MTREX: variants seen among roughly 807,000 people sequenced by gnomAD.
The protein encoded by MTREX is exosome RNA helicase MTR4.
In MTREX, 76 loss-of-function variants were observed where a neutral mutation model predicts 135.4. The observed-to-expected ratio is 0.56, with a 90% confidence interval of 0.47 to 0.68. The LOEUF is 0.68. MTREX is among the 30% of genes least tolerant of loss of function. The probability of loss-of-function intolerance (pLI) is 0.00; values close to 1 mark genes in which losing one functional copy is unlikely to be tolerated. For synonymous variants in MTREX, 404 were observed against 401.6 expected, an observed-to-expected ratio of 1.01 and a Z score of -0.07; for missense variants, 920 against 1,262.1, an observed-to-expected ratio of 0.73 and a Z score of 4.11.
At chr5:55,312,746 T>TA (rs1749135355) in intron 1 of MTREX, among the ~76,000 whole-genome samples, 1 of 152,236 alleles carries the variant, frequency 6.6e-6, no homozygotes, top group African/African-American at 2.4e-5. Context: ...TTGTTTCTGT[T>TA]ACGTTTTCTG....
rs919544130 is a variant in MTREX, at chr5:55,405,322, A to G, written c.2482-103A>G. On this transcript the variant is annotated intron_variant, in intron 21 of 26. Transcript: ENST00000230640. ...AAGCTTTAACCCAGAAGTATACTGT[A>G]AGATGTTCTTTAAAAATATTTTTTG... 3.2e-5 allele frequency: 32 copies of G among 1,004,284 alleles called. No homozygotes were observed. In the African/African-American group the frequency reaches 3.7e-4, roughly 12 times the overall value. 62.2% of individuals were successfully genotyped at this position (1,004,284 alleles called of 1,614,324 possible). A position where few individuals can be genotyped will look rare whatever the true frequency, so the allele number is the denominator to read the frequency against.
chr5:55,382,525 A>G (rs2168562), intron 18 of MTREX, among the ~76,000 whole-genome samples: 19,563 of 152,150 alleles, frequency 0.13, 1,496 homozygotes, highest in East Asian at 0.26. Context: ...ACATCTATAA[A>G]TGTTACAAAT....
chr5:55,350,886 C>T (rs771243624), intron 12 of MTREX, 33 bp from the exon 13 acceptor site: 1 of 1,479,354 alleles, frequency 6.8e-7, no homozygotes, highest in Admixed American at 2.1e-5. Context: ...TTTCTCACAT[C>T]ATTATAAAAT....
rs966328764 is a variant in MTREX, at chr5:55,390,957, A to G, written c.2181+2855A>G. 9.9e-5 allele frequency among the ~76,000 whole-genome samples: 15 copies of G among 152,156 alleles called. 1 individual carries two copies. Among genetic ancestry groups the G allele is most frequent in the African/African-American group, 2.9e-4 (12 of 41,448 alleles). On this transcript the variant is annotated intron_variant, in intron 19 of 26. Coordinates refer to ENST00000230640, the MANE Select transcript of MTREX (RefSeq NM_015360.5). Reference sequence around the variant, plus strand: ...AATTGCTGATTTAAACCCTTTGTCTATTAAGTCAAATTTCTTGGCTTCCTC... The same window carrying G: ...AATTGCTGATTTAAACCCTTTGTCTGTTAAGTCAAATTTCTTGGCTTCCTC...
intron 14 of MTREX, among the ~76,000 whole-genome samples, chr5:55,358,340 T>C (rs1253086727): frequency 6.6e-6 from 1 of 152,182 alleles, no homozygotes; most frequent in Non-Finnish European, 1.5e-5. Context: ...TGATAATAAG[T>C]CTAAAATTTA....
At chr5:55,323,202 A>T (rs1290121316) in intron 2 of MTREX, among the ~76,000 whole-genome samples, 1 of 152,196 alleles carries the variant, frequency 6.6e-6, no homozygotes, top group African/African-American at 2.4e-5. Flanking sequence ...CTACTATAAT[A>T]AGTTACAAAA....
intron 5 of MTREX, among the ~76,000 whole-genome samples, chr5:55,337,444 G>A (rs899810282): frequency 1.3e-5 from 2 of 151,940 alleles, no homozygotes; most frequent in Non-Finnish European, 1.5e-5. Flanking sequence ...TGTGCCTGGC[G>A]TAGAAATTTC....
chr5:55,393,193 CA>C (rs1369108160), intron 19 of MTREX, among the ~76,000 whole-genome samples: 3 of 152,096 alleles, frequency 2.0e-5, no homozygotes, highest in Admixed American at 2.0e-4. Context: ...TTATTCTTAC[CA>C]AAAGTCAGCA....
chr5:55,424,048 C>T (rs1751103986), intron 26 of MTREX: 1 of 152,118 alleles, frequency 6.6e-6, no homozygotes, highest in Admixed American at 6.6e-5. Flanking sequence ...AAAGTGTCTT[C>T]TGATATAGGT....
chr5:55,356,392 G>A (rs960561896), intron 14 of MTREX: 4 of 186,306 alleles, frequency 2.1e-5, no homozygotes, highest in East Asian at 2.6e-4. Flanking sequence ...CCTGTCAAGT[G>A]GCTTTAACAC....
intron 1 of MTREX, among the ~76,000 whole-genome samples, chr5:55,314,728 A>G (rs868483488): frequency 6.6e-6 from 1 of 152,186 alleles, no homozygotes; most frequent in Non-Finnish European, 1.5e-5. Flanking sequence ...ACCATCGCCA[A>G]CCTTTTTAGC....
chr5:55,377,731 A>G (rs1750328034), intron 16 of MTREX, among the ~76,000 whole-genome samples: 1 of 152,076 alleles, frequency 6.6e-6, no homozygotes, highest in Non-Finnish European at 1.5e-5. Flanking sequence ...CTGGTTTATA[A>G]CTCCCATAGC....
chr5:55,414,227 C>A lies in MTREX; in HGVS notation c.2797C>A (p.Arg933Ser). Reference sequence around the variant, plus strand: ...AACAGAACAATTAGCAGGACCACTTCGTCAAATGCAGGTAAGGTTTTTTTT... The same window carrying A: ...AACAGAACAATTAGCAGGACCACTTAGTCAAATGCAGGTAAGGTTTTTTTT... The part of the protein sequence containing the change: ...KLTEQLAGPL[R>S]QMQECAKRIA... The change falls in exon 24 of 27, where the codon CGT becomes AGT. Residue 933 changes from arginine (R) to serine (S), a missense_variant. Physicochemically the swap from Arg to Ser is moderately radical, Grantham distance 110. Around this residue, in one of 6 missense-constraint regions of MTREX, gnomAD observed 467 missense variants for 589.7 expected, o/e 0.79. Transcript: ENST00000230640. The A allele has an allele frequency of 6.5e-7, 1 of 1,544,840 alleles. No individual in the cohort carries two copies. The highest frequency in any genetic ancestry group is 8.7e-7 in the Non-Finnish European group (1 of 1,149,670).
intron 15 of MTREX, among the ~76,000 whole-genome samples, chr5:55,361,758 CT>C (rs34068588): frequency 0.4 from 57,290 of 143,708 alleles, 11,820 homozygotes; most frequent in African/African-American, 0.55. Context: ...GCATCCAGCC[CT>C]TTTTTTTTTT....
intron 15 of MTREX, among the ~76,000 whole-genome samples, chr5:55,361,727 G>A (rs984530757): frequency 1.3e-5 from 2 of 151,468 alleles, no homozygotes; most frequent in African/African-American, 4.9e-5. Flanking sequence ...CAGAGTGCTG[G>A]GATTACAGGC....
chr5:55,407,822 C>T (rs890175558), intron 22 of MTREX, among the ~76,000 whole-genome samples: 7 of 151,862 alleles, frequency 4.6e-5, no homozygotes, highest in African/African-American at 1.7e-4. Flanking sequence ...GGTGCAATCT[C>T]GGCTCACCGC....
chr5:55,344,657 C>G, intron 9 of MTREX, 37 bp downstream of exon 9: 1 of 1,173,820 alleles, frequency 8.5e-7, no homozygotes, highest in African/African-American at 1.5e-5. Context: ...TCTATAATGT[C>G]ATACTTTATT....
chr5:55,391,967 T>C (rs1750574171), intron 19 of MTREX, among the ~76,000 whole-genome samples: 1 of 152,076 alleles, frequency 6.6e-6, no homozygotes, highest in South Asian at 2.1e-4. Context: ...ATAAACACCT[T>C]CCTTTCTCCC....
At chr5:55,374,890 A>G (rs563380150) in intron 16 of MTREX, among the ~76,000 whole-genome samples, 2 of 152,256 alleles carry the variant, frequency 1.3e-5, no homozygotes, top group African/African-American at 4.8e-5. Flanking sequence ...ATTTTCCTTA[A>G]GCGTTGGCCA....
Sources: allele counts gnomAD v4.1 joint callset (sites outside exome capture counted in the v4.1 genomes callset), GRCh38; gene constraint gnomAD v4.1.1; regional missense constraint gnomAD v4.1.1; transcripts MANE v1.5; gene names NCBI Gene and HGNC (gene_info 2026-07-23, HGNC 2026-07-21).